The following KCTD8 variants were observed in gnomAD, a reference collection of about 807,000 sequenced individuals.
KCTD8 encodes the protein potassium channel tetramerization domain containing 8.
Under a neutral mutation model 31.5 loss-of-function variants are expected in KCTD8, and 27 were observed. The observed-to-expected ratio is 0.86, with a 90% CI of 0.63 to 1.18. The LOEUF (loss-of-function observed/expected upper bound fraction) is 1.18, where lower values mean the gene tolerates loss of function less well. Ranked by LOEUF, KCTD8 falls within the 50% of genes most tolerant of loss-of-function variation. The probability of loss-of-function intolerance (pLI) is 0.00; values close to 1 mark genes in which losing one functional copy is unlikely to be tolerated. For synonymous variants in KCTD8, 290 were observed against 280.0 expected, an observed-to-expected ratio of 1.04 and a Z score of -0.36; for missense variants, 658 against 647.7, an observed-to-expected ratio of 1.02 and a Z score of -0.17.
intron 1 of KCTD8, among the ~76,000 whole-genome samples, chr4:44,447,050 G>C (rs143197024): frequency 0.011 from 1,740 of 152,300 alleles, 15 homozygotes; most frequent in Middle Eastern, 0.027. Flanking sequence ...CCCGTAACTG[G>C]AGGCTCCCGC....
intron 1 of KCTD8, among the ~76,000 whole-genome samples, chr4:44,234,658 G>A (rs1190750342): frequency 6.6e-6 from 1 of 152,130 alleles, no homozygotes; most frequent in Non-Finnish European, 1.5e-5. Context: ...AGAACAGAAA[G>A]TCACTCTCTT....
intron 1 of KCTD8, among the ~76,000 whole-genome samples, chr4:44,216,632 A>C (rs970767292): frequency 6.6e-6 from 1 of 152,190 alleles, no homozygotes; most frequent in Non-Finnish European, 1.5e-5. Flanking sequence ...GTTAAAAAAA[A>C]TGTTTTCTGT....
At chr4:44,177,342 T>A (rs1713248126) in intron 1 of KCTD8, among the ~76,000 whole-genome samples, 2 of 152,100 alleles carry the variant, frequency 1.3e-5, no homozygotes, top group Non-Finnish European at 2.9e-5. Context: ...CACAGCCCTA[T>A]CAGGAAGCTC....
At position 44,323,199 on chromosome 4, in the gene KCTD8, TATA is replaced by T. The variant is rs1223652218; in HGVS notation, c.961+124361_961+124363del. ...GGGTAGCATGAATATTTTATTTTCA[TATA>T]ATAACATGTGGCCAGGCACGGTGGC... On this transcript the variant is annotated intron_variant, in intron 1 of 1. Coordinates refer to ENST00000360029, the MANE Select transcript of KCTD8 (RefSeq NM_198353.3). 2.0e-5 allele frequency among the ~76,000 whole-genome samples: 3 copies of T among 151,940 alleles called. No homozygotes were observed. The East Asian group carries it at 5.8e-4, about 29-fold the overall frequency.
At chr4:44,235,005 G>A (rs1715232919) in intron 1 of KCTD8, among the ~76,000 whole-genome samples, 1 of 152,094 alleles carries the variant, frequency 6.6e-6, no homozygotes, top group African/African-American at 2.4e-5. Flanking sequence ...TTAGGCAGAA[G>A]GTAAAGCTTG....
At chr4:44,283,730 A>G (rs1716974675) in intron 1 of KCTD8, among the ~76,000 whole-genome samples, 1 of 152,154 alleles carries the variant, frequency 6.6e-6, no homozygotes, top group Admixed American at 6.6e-5. Context: ...AGAAAACTCC[A>G]TCGTCTCAGC....
intron 1 of KCTD8, among the ~76,000 whole-genome samples, chr4:44,329,714 A>G (rs1195023826): frequency 6.6e-6 from 1 of 151,952 alleles, no homozygotes; most frequent in East Asian, 1.9e-4. Context: ...AAATTTATTG[A>G]ATGATAAAAC....
At chr4:44,196,414 T>C (rs1381450633) in intron 1 of KCTD8, among the ~76,000 whole-genome samples, 1 of 152,188 alleles carries the variant, frequency 6.6e-6, no homozygotes, top group Non-Finnish European at 1.5e-5. Context: ...ATTTTGGTGA[T>C]TCTACACACA....
intron 1 of KCTD8, among the ~76,000 whole-genome samples, chr4:44,404,027 G>T (rs1324516388): frequency 1.3e-5 from 2 of 151,972 alleles, no homozygotes; most frequent in Non-Finnish European, 2.9e-5. Context: ...CCCTCTGATA[G>T]TACGTCAGAT....
chr4:44,254,476 C>T (rs1449405726), intron 1 of KCTD8, among the ~76,000 whole-genome samples: 3 of 151,914 alleles, frequency 2.0e-5, no homozygotes, highest in African/African-American at 7.2e-5. Flanking sequence ...CAAAGCGTAG[C>T]CCTTGACCAA....
At chr4:44,405,869 G>A (rs575558028) in intron 1 of KCTD8, among the ~76,000 whole-genome samples, 1 of 134,872 alleles carries the variant, frequency 7.4e-6, no homozygotes, top group East Asian at 2.4e-4. Flanking sequence ...TGTTTATCCT[G>A]AAGCATGTCC....
At chr4:44,181,861 G>A (rs1210071247) in intron 1 of KCTD8, among the ~76,000 whole-genome samples, 23 of 136,696 alleles carry the variant, frequency 1.7e-4, no homozygotes, top group South Asian at 1.2e-3. Context: ...GCCCGGCCGC[G>A]ACCCCGTCTG....
chr4:44,290,135 T>G (rs1308205435), intron 1 of KCTD8, among the ~76,000 whole-genome samples: 1 of 151,504 alleles, frequency 6.6e-6, no homozygotes, highest in Non-Finnish European at 1.5e-5. Context: ...ACCATACAAA[T>G]GAAAAACAAT....
At chr4:44,354,196 A>G (rs1293299884) in intron 1 of KCTD8, among the ~76,000 whole-genome samples, 1 of 152,118 alleles carries the variant, frequency 6.6e-6, no homozygotes, top group East Asian at 1.9e-4. Flanking sequence ...TTCCAGCTTA[A>G]ACATATTTAA....
intron 1 of KCTD8, among the ~76,000 whole-genome samples, chr4:44,376,265 GCTCT>G (rs1298593808): frequency 8.5e-5 from 13 of 152,240 alleles, no homozygotes; most frequent in African/African-American, 3.1e-4. Flanking sequence ...GTTCTGTGGT[GCTCT>G]CTAGCTGGCT....
chr4:44,209,050 G>GTAGGAAAA (rs1714402371), intron 1 of KCTD8, among the ~76,000 whole-genome samples: 1 of 151,996 alleles, frequency 6.6e-6, no homozygotes, highest in Admixed American at 6.6e-5. Flanking sequence ...TTCTGTTTAA[G>GTAGGAAAA]TATCCTACTA....
At chr4:44,215,851 C>T (rs1338659453) in intron 1 of KCTD8, among the ~76,000 whole-genome samples, 2 of 152,162 alleles carry the variant, frequency 1.3e-5, no homozygotes, top group Admixed American at 6.5e-5. Context: ...TTAACTGATA[C>T]ATCTTTCTTA....
At chr4:44,193,976 G>C (rs1713851622) in intron 1 of KCTD8, among the ~76,000 whole-genome samples, 1 of 152,152 alleles carries the variant, frequency 6.6e-6, no homozygotes, top group African/African-American at 2.4e-5. Context: ...AAATAGATGA[G>C]ATGTAGAGGG....
At chr4:44,411,862 T>G (rs756726674) in intron 1 of KCTD8, among the ~76,000 whole-genome samples, 96 of 152,262 alleles carry the variant, frequency 6.3e-4, no homozygotes, top group Middle Eastern at 6.8e-3. Context: ...GGAAGGATTC[T>G]ATTCAGGGTC....
Sources: allele counts gnomAD v4.1 joint callset (sites outside exome capture counted in the v4.1 genomes callset), GRCh38; gene constraint gnomAD v4.1.1; transcripts MANE v1.5; gene names NCBI Gene and HGNC (gene_info 2026-07-23, HGNC 2026-07-21).